Variants in PCDHGA6 observed in about 807,000 individuals in gnomAD.
The protein encoded by PCDHGA6 is protocadherin gamma subfamily A, 6.
Under a neutral mutation model 60.6 loss-of-function variants are expected in PCDHGA6, and 41 were observed. The ratio of observed to expected loss-of-function variants is 0.68; its 90% CI spans 0.53 to 0.88. The LOEUF (loss-of-function observed/expected upper bound fraction) is 0.88. Ranked by LOEUF, PCDHGA6 falls within the 40% of genes least tolerant of loss-of-function variation. The pLI, the probability that PCDHGA6 is intolerant of heterozygous loss-of-function variation, is 0.00. For synonymous variants in PCDHGA6, 594 were observed against 524.4 expected (o/e 1.13, Z -1.81); for missense variants, 1,312 against 1,203.0 (o/e 1.09, Z -1.34).
chr5:141,423,609 A>G lies in PCDHGA6; in HGVS notation c.2424+47102A>G, dbSNP rs748925693. The G allele has an allele frequency of 5.0e-6, 8 of 1,611,572 alleles. No homozygotes were observed. The South Asian group carries it at 7.7e-5, about 16-fold the overall frequency. ...GTGAGAAAAGCGAGCCACTCTTGAT[A>G]GCTGAAGACTCAGCTATCATTTTAG... On this transcript the variant is annotated intron_variant, in intron 1 of 3. Transcript: ENST00000517434.
chr5:141,388,404 C>T, intron 1 of PCDHGA6: 1 of 1,613,952 alleles, frequency 6.2e-7, no homozygotes, highest in Non-Finnish European at 8.5e-7. Context: ...CCAACTCAGT[C>T]CCAGTGATCA....
At chr5:141,435,497 C>T (rs1234443531) in intron 1 of PCDHGA6, among the ~76,000 whole-genome samples, 1 of 152,154 alleles carries the variant, frequency 6.6e-6, no homozygotes, top group African/African-American at 2.4e-5. Context: ...ATTTCCTACA[C>T]TAATGATACT....
At position 141,485,122 on chromosome 5, in the gene PCDHGA6, G is replaced by C. The variant is rs1000179570; in HGVS notation, c.2425-9685G>C. The stretch of plus-strand genomic sequence containing the variant: ...CAGCTGCTGTGGCTGTTTGGGGCGG[G>C]TCGGCTTCATCCGCGTCTCAGGAGC... On this transcript the variant is annotated intron_variant, in intron 1 of 3. Transcript: ENST00000517434. This position sits in a 1 kb window ranked among gnomAD's most constrained non-coding sequence, Gnocchi z 5.7. The C allele has an allele frequency of 4.3e-6, 6 of 1,387,506 alleles. No individual in the cohort carries two copies. In the African/African-American group the frequency reaches 8.5e-5, roughly 20 times the overall value. The allele number at this position is 1,387,506 out of a possible 1,614,324, so 85.9% of individuals were successfully genotyped here. A position where few individuals can be genotyped will look rare whatever the true frequency, so the allele number is the denominator to read the frequency against.
At chr5:141,471,637 T>C (rs1284100810) in intron 1 of PCDHGA6, 2 of 152,198 alleles carry the variant, frequency 1.3e-5, no homozygotes, top group Non-Finnish European at 2.9e-5. Context: ...TATGGATTAG[T>C]AATATACTGG....
chr5:141,389,233 T>C (rs1374129511), intron 1 of PCDHGA6: 1 of 1,613,926 alleles, frequency 6.2e-7, no homozygotes, highest in Non-Finnish European at 8.5e-7. Context: ...GCTCCGGTTT[T>C]CTCACAGTCT....
At chr5:141,404,371 C>T in intron 1 of PCDHGA6, 2 of 1,613,892 alleles carry the variant, frequency 1.2e-6, no homozygotes, top group Non-Finnish European at 1.7e-6. Flanking sequence ...CCATCTTCTC[C>T]GTGATTGCCT....
At chr5:141,481,811 G>A (rs1050821120) in intron 1 of PCDHGA6, among the ~76,000 whole-genome samples, 1 of 151,892 alleles carries the variant, frequency 6.6e-6, no homozygotes. Context: ...AATTCACCAG[G>A]CGTGGTGGCT....
chr5:141,406,183 C>T (rs1048428263), intron 1 of PCDHGA6, among the ~76,000 whole-genome samples: 5 of 151,756 alleles, frequency 3.3e-5, no homozygotes, highest in Admixed American at 6.6e-5. Flanking sequence ...TGCAATCCTC[C>T]CACCTCAGCC....
intron 1 of PCDHGA6, chr5:141,415,029 G>C (rs777967290): frequency 6.2e-7 from 1 of 1,613,552 alleles, no homozygotes; most frequent in South Asian, 1.1e-5. Flanking sequence ...CCAGCGAGCC[G>C]GGACTCTTCG....
At chr5:141,395,494 T>G in intron 1 of PCDHGA6, 3 of 484,122 alleles carry the variant, frequency 6.2e-6, no homozygotes, top group Middle Eastern at 5.6e-4. Context: ...TTATCACTCA[T>G]TCACTTAAGA....
Position 141,421,984 on chromosome 5 carries a change from C to G in PCDHGA6, c.2424+45477C>G, listed in dbSNP as rs201871921. On this transcript the variant is annotated intron_variant, in intron 1 of 3. Transcript: ENST00000517434. ...ACAGTCCGTATATCGCGTGAGTGTT[C>G]CAGAAAACATCAGCTCCGGAACTCG... 21 of 1,608,770 alleles carry G rather than the reference C, an allele frequency of 1.3e-5. No homozygotes were observed. In the Admixed American group the frequency reaches 2.4e-4, roughly 18 times the overall value.
chr5:141,388,407 A>G (rs2091351140), intron 1 of PCDHGA6: 6 of 1,613,878 alleles, frequency 3.7e-6, no homozygotes, highest in Middle Eastern at 3.3e-4. Flanking sequence ...ACTCAGTCCC[A>G]GTGATCATTT....
intron 1 of PCDHGA6, chr5:141,394,693 G>C: frequency 1.2e-6 from 2 of 1,613,006 alleles, no homozygotes; most frequent in Non-Finnish European, 1.7e-6. Context: ...GGCGAGGTGC[G>C]CACGGCGCGA....
At chr5:141,465,945 AC>A (rs761290693) in intron 1 of PCDHGA6, among the ~76,000 whole-genome samples, 7 of 151,958 alleles carry the variant, frequency 4.6e-5, no homozygotes, top group Non-Finnish European at 5.9e-5. Context: ...ACATGGTGAA[AC>A]CCCATCTCTA....
rs1173771781 is a variant in PCDHGA6 at position 141,486,312 on chromosome 5, G to A, written c.2425-8495G>A. Reference sequence around the variant, plus strand: ...ATCAGTGTGCAGGATCCAGACTCAGGGTCAAACGGAGATGTGAGCCTCCGC... The same window carrying A: ...ATCAGTGTGCAGGATCCAGACTCAGAGTCAAACGGAGATGTGAGCCTCCGC... On this transcript the variant is annotated intron_variant, in intron 1 of 3. Coordinates refer to ENST00000517434, the MANE Select transcript of PCDHGA6 (RefSeq NM_018919.3). The surrounding 1 kb of genome is among the most constrained non-coding windows in gnomAD (Gnocchi z 5.0). The A allele has an allele frequency of 1.2e-6, 2 of 1,613,864 alleles. No individual in the cohort carries two copies. Among genetic ancestry groups the A allele is most frequent in the African/African-American group, 1.3e-5 (1 of 74,842 alleles).
chr5:141,383,272 G>T (rs369691483), intron 1 of PCDHGA6: 13 of 1,613,802 alleles, frequency 8.1e-6, no homozygotes, highest in African/African-American at 1.3e-5. Flanking sequence ...GGAAATAATA[G>T]ATATTAATGA....
At chr5:141,428,091 T>C (rs769710543) in intron 1 of PCDHGA6, 2 of 1,609,000 alleles carry the variant, frequency 1.2e-6, no homozygotes, top group East Asian at 2.2e-5. Flanking sequence ...CGCTTGGCTG[T>C]CCTACCACGT....
chr5:141,410,852 T>A, intron 1 of PCDHGA6: 1 of 284,264 alleles, frequency 3.5e-6, no homozygotes. Context: ...TCTTTGTCTT[T>A]TTTTTTTTTT....
chr5:141,419,398 G>A (rs2096375486), intron 1 of PCDHGA6: 7 of 1,613,572 alleles, frequency 4.3e-6, no homozygotes, highest in Non-Finnish European at 5.1e-6. Flanking sequence ...AGAGCGGGGT[G>A]GTGTTCGCGC....
Sources: allele counts gnomAD v4.1 joint callset (sites outside exome capture counted in the v4.1 genomes callset), GRCh38; gene constraint gnomAD v4.1.1; non-coding constraint Gnocchi (gnomAD v3.1); transcripts MANE v1.5; gene names NCBI Gene and HGNC (gene_info 2026-07-23, HGNC 2026-07-21).